TCF20: variants seen among roughly 807,000 people sequenced by gnomAD.
TCF20 encodes transcription factor 20, also known as SPRE-binding protein.
A neutral mutation model predicts 148.6 loss-of-function variants in TCF20; 3 were observed. The ratio of observed to expected loss-of-function variants is 0.02; its 90% CI spans 0.01 to 0.05. TCF20 has a LOEUF of 0.05. Among genes scored for constraint, TCF20 ranks in the 10% least tolerant of loss-of-function variants. TCF20 has a pLI of 1.00. For synonymous variants in TCF20, 1,049 were observed against 909.5 expected (o/e 1.15, Z -2.76); for missense variants, 2,350 against 2,429.3 (o/e 0.97, Z 0.69).
At chr22:42,189,439 G>T (rs1203976876) in intron 2 of TCF20, among the ~76,000 whole-genome samples, 1 of 152,208 alleles carries the variant, frequency 6.6e-6, no homozygotes, top group South Asian at 2.1e-4. Context: ...TTTGGACTGA[G>T]AGCAAAATCT....
At position 42,161,972 on chromosome 22, in the gene TCF20, C is replaced by CTTTTTTT. The variant is rs3045573; in HGVS notation, c.*45-621_*45-615dup. 1.7e-3 allele frequency among the ~76,000 whole-genome samples: 131 copies of CTTTTTTT among 75,006 alleles called. 25 individuals are homozygous for CTTTTTTT. The highest frequency in any genetic ancestry group is 3.5e-3 in the African/African-American group (55 of 15,652). The allele number at this position is 75,006 out of a possible 152,430, so 49.2% of individuals were successfully genotyped here. On this transcript the variant is annotated intron_variant, in intron 5 of 5. Transcript: ENST00000677622. Reference sequence around the variant, plus strand: ...GCCACCATGCTTGGCTAATGACAGTCTTTTTTTTTTTTTTTTTTTTTTTTT... The same window carrying CTTTTTTT: ...GCCACCATGCTTGGCTAATGACAGTCTTTTTTTTTTTTTTTTTTTTTTTTTTTTTTTT...
In TCF20 at chr22:42,292,832, C is replaced by T. The variant is rs568714811; in HGVS notation, c.-37+50647G>A. On this transcript the variant is annotated intron_variant, in intron 1 of 1. Transcript: ENST00000515426. The surrounding 1 kb of genome is among the most constrained non-coding windows in gnomAD (Gnocchi z 4.9). The stretch of plus-strand genomic sequence containing the variant: ...GGCCCAGGAGAATCTACTGAATGAC[C>T]GGGTCTCAGCTTGAGCGGCACAGAC... Among the ~76,000 whole-genome samples the T allele has an allele frequency of 9.3e-5, 14 of 151,092 alleles. No homozygotes were observed. Among genetic ancestry groups the T allele is most frequent in the East Asian group, 3.9e-4 (2 of 5,152 alleles).
Position 42,299,521 on chromosome 22 carries a change from G to T in TCF20, c.-37+43958C>A, listed in dbSNP as rs539330450. Among the ~76,000 whole-genome samples, 279 of 152,338 alleles carry T rather than the reference G, an allele frequency of 1.8e-3. 1 individual carries two copies. The highest frequency in any genetic ancestry group is 3.2e-3 in the Non-Finnish European group (218 of 68,032). ...GAACAGAACATGCTGGCAGTGGTGG[G>T]TCACCCAGGAACCCCGAGGAACTGG... On this transcript the variant is annotated intron_variant, in intron 1 of 1. Coordinates refer to the TCF20 transcript ENST00000515426. This position sits in a 1 kb window ranked among gnomAD's most constrained non-coding sequence, Gnocchi z 4.1.
chr22:42,168,277 C>T (rs538426515), intron 5 of TCF20, among the ~76,000 whole-genome samples: 1 of 152,112 alleles, frequency 6.6e-6, no homozygotes, highest in Non-Finnish European at 1.5e-5. Flanking sequence ...AGAGCAGGGG[C>T]TACTGGCAAG....
upstream of TCF20, chr22:42,275,094 A>G (rs1926744397): frequency 6.6e-6 from 1 of 152,260 alleles, no homozygotes; most frequent in Admixed American, 6.5e-5. Flanking sequence ...ACTCTTAACC[A>G]CCAAGCTTCC....
chr22:42,174,576 T>TA (rs890236778), intron 3 of TCF20, among the ~76,000 whole-genome samples: 1 of 152,030 alleles, frequency 6.6e-6, no homozygotes, highest in South Asian at 2.1e-4. Flanking sequence ...CAATCAACCA[T>TA]AAAAAAACTT....
chr22:42,268,255 C>G (rs891464886), intron 1 of TCF20, among the ~76,000 whole-genome samples: 9 of 152,180 alleles, frequency 5.9e-5, no homozygotes, highest in African/African-American at 1.9e-4. Context: ...ATATCCGGCC[C>G]AGCAGCACAG....
chr22:42,198,919 C>G (rs1937781498), intron 2 of TCF20, among the ~76,000 whole-genome samples: 1 of 152,144 alleles, frequency 6.6e-6, no homozygotes, highest in Non-Finnish European at 1.5e-5. Context: ...CCCACCTTGG[C>G]CTCCCAAGGT....
intron 1 of TCF20, among the ~76,000 whole-genome samples, chr22:42,291,549 C>G (rs753194527): frequency 2.0e-5 from 3 of 152,132 alleles, no homozygotes; most frequent in African/African-American, 7.2e-5. Flanking sequence ...GTGCTGGGAC[C>G]GCCTCTGGGA....
At chr22:42,235,759 G>C (rs1923829264) in intron 1 of TCF20, among the ~76,000 whole-genome samples, 1 of 152,120 alleles carries the variant, frequency 6.6e-6, no homozygotes, top group African/African-American at 2.4e-5. Flanking sequence ...TGCAAAAGTG[G>C]AGTTAACCTA....
At chr22:42,313,446 T>A (rs1927571908) in intron 1 of TCF20, among the ~76,000 whole-genome samples, 1 of 152,098 alleles carries the variant, frequency 6.6e-6, no homozygotes, top group African/African-American at 2.4e-5. Context: ...TCCTTCACAT[T>A]GCTTCCTGCC....
At chr22:42,321,879 G>A (rs529336704) in intron 1 of TCF20, among the ~76,000 whole-genome samples, 1 of 151,464 alleles carries the variant, frequency 6.6e-6, no homozygotes, top group Non-Finnish European at 1.5e-5. Context: ...CCCAGGAGGC[G>A]GAGGTTGCAG....
At chr22:42,244,343 T>C (rs889226121) in intron 1 of TCF20, among the ~76,000 whole-genome samples, 6 of 152,182 alleles carry the variant, frequency 3.9e-5, no homozygotes, top group African/African-American at 7.2e-5. Context: ...CACATGTTCA[T>C]AGCAGCACTA....
rs116740804 is a variant in TCF20 at position 42,332,391 on chromosome 22, G to T, written c.-37+11088C>A. On this transcript the variant is annotated intron_variant, in intron 1 of 1. Coordinates refer to the TCF20 transcript ENST00000515426. ...GAGCTGGAGCAGGAACAGCCAGGGG[G>T]AGGATCTCGGTCTCATTCCAAGGGT... Among the ~76,000 whole-genome samples, 1,288 of 152,310 alleles carry T rather than the reference G, an allele frequency of 8.5e-3. 23 individuals are homozygous for T. Among genetic ancestry groups the T allele is most frequent in the African/African-American group, 0.029 (1,217 of 41,552 alleles).
rs766830000 is a variant in TCF20 at position 42,210,740 on chromosome 22, T to C, written c.4566A>G (p.Ser1522=). The change falls in exon 2 of 6, where the codon TCA becomes TCG. Residue 1522 remains serine (S), a synonymous_variant. Coordinates refer to ENST00000677622, the MANE Select transcript of TCF20 (RefSeq NM_001378418.1). This position sits in a 1 kb window ranked among gnomAD's most constrained non-coding sequence, Gnocchi z 4.7. ...TTGGAGGGAAACCCTCTTGCTTCGG[T>C]GAAATCGTCACTGTATCGTTCTCCT... ...EEKENDTVTI[S]PKQEGFPPKG... is the part of the protein sequence containing the mutation. The C allele has an allele frequency of 1.2e-5, 20 of 1,614,098 alleles. No homozygotes were observed. Among genetic ancestry groups the C allele is most frequent in the Non-Finnish European group, 1.6e-5 (19 of 1,180,046 alleles).
intron 1 of TCF20, among the ~76,000 whole-genome samples, chr22:42,306,961 C>T (rs1167796720): frequency 1.3e-5 from 2 of 151,548 alleles, no homozygotes; most frequent in Admixed American, 1.3e-4. Context: ...ATCGCTTGAC[C>T]CTGGGGAGCG....
intron 2 of TCF20, among the ~76,000 whole-genome samples, chr22:42,209,343 A>G (rs1321868023): frequency 1.3e-5 from 2 of 152,232 alleles, no homozygotes; most frequent in African/African-American, 4.8e-5. Flanking sequence ...CTGCCCCAGG[A>G]TAAGTTATGA....
chr22:42,291,971 T>G (rs1011175163), intron 1 of TCF20, among the ~76,000 whole-genome samples: 1 of 152,102 alleles, frequency 6.6e-6, no homozygotes, highest in African/African-American at 2.4e-5. Context: ...CCTGGCTCCA[T>G]GATCCTCCCT....
At chr22:42,174,781 A>G (rs962148375) in intron 3 of TCF20, among the ~76,000 whole-genome samples, 4 of 152,008 alleles carry the variant, frequency 2.6e-5, no homozygotes, top group Non-Finnish European at 4.4e-5. Context: ...CACGCCTGTA[A>G]TCCCAGCACT....
Sources: allele counts gnomAD v4.1 joint callset (sites outside exome capture counted in the v4.1 genomes callset), GRCh38; gene constraint gnomAD v4.1.1; non-coding constraint Gnocchi (gnomAD v3.1); transcripts MANE v1.5; gene names NCBI Gene and HGNC (gene_info 2026-07-23, HGNC 2026-07-21).